Variants in TUSC3 observed in about 807,000 individuals in gnomAD.
TUSC3 encodes tumor suppressor candidate 3, also known as dolichyl-diphosphooligosaccharide--protein glycosyltransferase subunit TUSC3.
In TUSC3, 45 loss-of-function variants were observed where a neutral mutation model predicts 44.8. That is an observed-to-expected ratio of 1.00 (90% CI 0.79 to 1.29). The LOEUF is 1.29. Among genes scored for constraint, TUSC3 ranks in the 50% most tolerant of loss-of-function variants. The pLI is 0.00. For synonymous variants in TUSC3, 212 were observed against 152.9 expected (o/e 1.39, Z -2.85); for missense variants, 519 against 437.9 (o/e 1.19, Z -1.65).
At chr8:15,523,678 G>A (rs1340274462) in intron 2 of TUSC3, among the ~76,000 whole-genome samples, 1,933 of 33,720 alleles carry the variant, frequency 0.057, 162 homozygotes, top group African/African-American at 0.16. Flanking sequence ...GTGTGTGTGT[G>A]TGTGTGTGTG....
At chr8:15,597,654 AT>A in intron 1 of TUSC3, among the ~76,000 whole-genome samples, 1 of 152,260 alleles carries the variant, frequency 6.6e-6, no homozygotes, top group African/African-American at 2.4e-5. Context: ...CTAAATACAC[AT>A]TGATATTAGA....
chr8:15,431,944 C>T (rs1052106390), intron 1 of TUSC3, among the ~76,000 whole-genome samples: 1 of 136,376 alleles, frequency 7.3e-6, no homozygotes, highest in Non-Finnish European at 1.5e-5. Context: ...TTATGTTGCA[C>T]TATCTTTGCA....
At chr8:15,717,027 G>C (rs1585261348) in intron 6 of TUSC3, among the ~76,000 whole-genome samples, 1 of 152,044 alleles carries the variant, frequency 6.6e-6, no homozygotes, top group East Asian at 1.9e-4. Context: ...TTTGAAACCA[G>C]TTCTCTTTTA....
chr8:15,782,964 TAC>T, the TUSC3 span, among the ~76,000 whole-genome samples: 1 of 152,000 alleles, frequency 6.6e-6, no homozygotes, highest in Non-Finnish European at 1.5e-5. Context: ...ATAAAAAAAA[TAC>T]TAAAGACTCC....
chr8:15,577,605 T>C (rs1248256125), intron 1 of TUSC3, among the ~76,000 whole-genome samples: 2 of 148,190 alleles, frequency 1.3e-5, no homozygotes, highest in African/African-American at 2.5e-5. Flanking sequence ...CTCAGGTTTG[T>C]CAAAGATCAG....
At chr8:15,620,098 C>T (rs1249747499) in intron 1 of TUSC3, among the ~76,000 whole-genome samples, 1 of 152,074 alleles carries the variant, frequency 6.6e-6, no homozygotes, top group East Asian at 1.9e-4. Context: ...AATAAGATAC[C>T]ATTGTCGATT....
chr8:15,612,198 C>G (rs112071173), intron 1 of TUSC3, among the ~76,000 whole-genome samples: 1 of 152,024 alleles, frequency 6.6e-6, no homozygotes, highest in African/African-American at 2.4e-5. Flanking sequence ...TAGCAGGTAC[C>G]TGAATAAGTA....
intron 1 of TUSC3, among the ~76,000 whole-genome samples, chr8:15,549,686 T>G (rs961564807): frequency 2.0e-5 from 3 of 151,502 alleles, no homozygotes; most frequent in African/African-American, 7.3e-5. Flanking sequence ...TGGTCCATGT[T>G]TTTTAGAATT....
chr8:15,667,734 C>T (rs1444962424), intron 5 of TUSC3, among the ~76,000 whole-genome samples: 1 of 151,576 alleles, frequency 6.6e-6, no homozygotes, highest in Non-Finnish European at 1.5e-5. Context: ...TAATTATGAA[C>T]CCAAAGTGTT....
intron 6 of TUSC3, among the ~76,000 whole-genome samples, chr8:15,708,843 G>C (rs1475349117): frequency 6.6e-6 from 1 of 151,886 alleles, no homozygotes; most frequent in African/African-American, 2.4e-5. Flanking sequence ...GTGTAAACTT[G>C]ATGATTCTGA....
In TUSC3 at chr8:15,650,682, C is replaced by T. The variant is rs201325136; in HGVS notation, c.309-15C>T. On this transcript the variant is annotated splice_polypyrimidine_tract_variant and intron_variant, in intron 2 of 10. Transcript: ENST00000503731. ...GTACTGATGTGTTTCTACTATGGCC[C>T]ATTATTCTTATCAGGCAAGCTAATG... 4 of 1,607,946 alleles carry T rather than the reference C, an allele frequency of 2.5e-6. No homozygotes were observed. The highest frequency in any genetic ancestry group is 3.4e-6 in the Non-Finnish European group (4 of 1,174,716).
At chr8:15,790,369 G>C in the TUSC3 span, among the ~76,000 whole-genome samples, 2 of 151,878 alleles carry the variant, frequency 1.3e-5, no homozygotes, top group Non-Finnish European at 2.9e-5. Context: ...ACTTTTAGTA[G>C]AGATAGGGTT....
chr8:15,672,145 A>T (rs1486563441), intron 5 of TUSC3, among the ~76,000 whole-genome samples: 1 of 152,006 alleles, frequency 6.6e-6, no homozygotes, highest in East Asian at 1.9e-4. Context: ...GCCTGAATGG[A>T]GCATGCAGTG....
At chr8:15,708,004 T>C (rs1809689722) in intron 6 of TUSC3, among the ~76,000 whole-genome samples, 1 of 151,900 alleles carries the variant, frequency 6.6e-6, no homozygotes, top group Non-Finnish European at 1.5e-5. Flanking sequence ...CCTTCTTCTG[T>C]GCTTCTCTTT....
At chr8:15,614,898 A>G (rs1804923208) in intron 1 of TUSC3, among the ~76,000 whole-genome samples, 1 of 149,884 alleles carries the variant, frequency 6.7e-6, no homozygotes. Flanking sequence ...TAGTGAAAGT[A>G]TACAAGTACA....
intron 1 of TUSC3, among the ~76,000 whole-genome samples, chr8:15,552,321 G>A (rs1489296812): frequency 2.0e-5 from 3 of 151,714 alleles, no homozygotes; most frequent in Non-Finnish European, 4.4e-5. Flanking sequence ...AATACTACAT[G>A]TTAGGTAGGT....
At chr8:15,664,664 G>T (rs1300117329) in intron 5 of TUSC3, among the ~76,000 whole-genome samples, 2 of 149,530 alleles carry the variant, frequency 1.3e-5, no homozygotes, top group Non-Finnish European at 3.0e-5. Context: ...ATAATATAAT[G>T]TTAAATTCAA....
chr8:15,633,308 G>C (rs1805906782), intron 2 of TUSC3, among the ~76,000 whole-genome samples: 1 of 152,148 alleles, frequency 6.6e-6, no homozygotes, highest in South Asian at 2.1e-4. Context: ...TAGCAACTCA[G>C]TGAGTTGAAG....
At chr8:15,748,254 T>C (rs990472725) in intron 8 of TUSC3, 121 bp from the exon 9 acceptor site, 11 of 777,110 alleles carry the variant, frequency 1.4e-5, no homozygotes, top group African/African-American at 1.4e-4. Flanking sequence ...TTGTTGTACC[T>C]GTATGTACCA....
Sources: gnomAD v4.1 joint callset for allele counts (sites outside exome capture counted in the v4.1 genomes callset) on GRCh38, gnomAD v4.1.1 for gene constraint, MANE v1.5 for transcripts, NCBI Gene and HGNC (gene_info 2026-07-23, HGNC 2026-07-21) for gene names.